Variants in CACNB2 observed in about 807,000 individuals in gnomAD.
The protein encoded by CACNB2 is calcium voltage-gated channel auxiliary subunit beta 2.
Under a neutral mutation model 73.3 loss-of-function variants are expected in CACNB2, and 42 were observed. The observed-to-expected ratio is 0.57, with a 90% confidence interval of 0.45 to 0.74. The LOEUF is 0.74. CACNB2 is among the 30% of genes least tolerant of loss of function. The pLI is 0.00. For synonymous variants in CACNB2, 348 were observed against 310.3 expected (o/e 1.12, Z -1.28); for missense variants, 940 against 853.0 (o/e 1.10, Z -1.27).
chr10:18,543,538 T>C lies in CACNB2; in HGVS notation c.*3814T>C, dbSNP rs1183081917. The C allele has an allele frequency of 6.6e-6, 1 of 152,198 alleles. No individual in the cohort carries two copies. Among genetic ancestry groups the C allele is most frequent in the Non-Finnish European group, 1.5e-5 (1 of 68,044 alleles). 9.4% of individuals were successfully genotyped at this position (152,198 alleles called of 1,614,324 possible). On this transcript the variant is annotated 3_prime_UTR_variant, in exon 14 of 14. Coordinates refer to ENST00000324631, the MANE Select transcript of CACNB2 (RefSeq NM_201596.3). ...AATGTTAATATTAAATGTTAAAATA[T>C]ATATTAATTTTCCCTCACATTTCCC...
chr10:18,505,147 T>TA lies in CACNB2; in HGVS notation c.594-1324_594-1323insA, dbSNP rs561139599. ...TGGTCATTGTCACCATTTGCAGCAT[T>TA]TGTCACAATTTTACATAAATAATAT... On this transcript the variant is annotated intron_variant, in intron 5 of 13. Transcript: ENST00000324631. Among the ~76,000 whole-genome samples, 406 of 152,232 alleles carry TA rather than the reference T, an allele frequency of 2.7e-3. 3 individuals are homozygous for TA. The highest frequency in any genetic ancestry group is 9.4e-3 in the African/African-American group (392 of 41,546).
chr10:18,286,997 C>T lies in CACNB2; in HGVS notation c.214-114927C>T, dbSNP rs555664796. Among the ~76,000 whole-genome samples the T allele has an allele frequency of 2.6e-5, 4 of 152,212 alleles. No individual in the cohort carries two copies. In the South Asian group the frequency reaches 8.3e-4, roughly 32 times the overall value. On this transcript the variant is annotated intron_variant, in intron 2 of 13. Transcript: ENST00000324631. ...GATAGTCTATGAATAAGTTAAAATT[C>T]AAGGCAAATATGTAAACTAATATAG... is the stretch of plus-strand genomic sequence containing the variant.
At chr10:18,325,781 A>G (rs1311060768) in intron 2 of CACNB2, among the ~76,000 whole-genome samples, 1 of 137,146 alleles carries the variant, frequency 7.3e-6, no homozygotes, top group African/African-American at 2.8e-5. Context: ...ATCTGGCTCT[A>G]TCACACAGCC....
chr10:18,503,138 T>C (rs752262100), intron 5 of CACNB2, among the ~76,000 whole-genome samples: 1 of 152,026 alleles, frequency 6.6e-6, no homozygotes, highest in Non-Finnish European at 1.5e-5. Flanking sequence ...AATGCATTTC[T>C]TAATGAGAAA....
chr10:18,285,293 C>G (rs1298070700), intron 2 of CACNB2, among the ~76,000 whole-genome samples: 1 of 152,212 alleles, frequency 6.6e-6, no homozygotes, highest in Non-Finnish European at 1.5e-5. Context: ...AGGTGAGAAG[C>G]TTTGCAGCTC....
At chr10:18,170,049 C>T (rs1175378975) in intron 2 of CACNB2, among the ~76,000 whole-genome samples, 1 of 152,210 alleles carries the variant, frequency 6.6e-6, no homozygotes, top group Non-Finnish European at 1.5e-5. Context: ...CTGGTTCATA[C>T]TGCAGTGCAC....
intron 3 of CACNB2, among the ~76,000 whole-genome samples, chr10:18,404,610 T>C (rs1321242749): frequency 6.6e-6 from 1 of 152,216 alleles, no homozygotes; most frequent in African/African-American, 2.4e-5. Flanking sequence ...TCAGTGCTTT[T>C]ACTCACCTTA....
chr10:18,229,941 C>T (rs1188569113), intron 2 of CACNB2, among the ~76,000 whole-genome samples: 1 of 152,188 alleles, frequency 6.6e-6, no homozygotes, highest in Non-Finnish European at 1.5e-5. Flanking sequence ...TCGACACCCA[C>T]TTTCAAAACA....
chr10:18,355,630 CTT>C (rs549165226), intron 2 of CACNB2, among the ~76,000 whole-genome samples: 12 of 140,724 alleles, frequency 8.5e-5, no homozygotes, highest in South Asian at 2.3e-4. Context: ...TGATTTTTCT[CTT>C]TTTTTTTTTT....
intron 2 of CACNB2, among the ~76,000 whole-genome samples, chr10:18,228,054 CAG>C (rs1321474075): frequency 3.3e-5 from 5 of 152,158 alleles, no homozygotes; most frequent in Admixed American, 6.6e-5. Flanking sequence ...GCCTTTTCCA[CAG>C]AGTGTCTTTT....
intron 3 of CACNB2, among the ~76,000 whole-genome samples, chr10:18,403,095 A>G (rs1198039119): frequency 1.3e-5 from 2 of 152,188 alleles, no homozygotes; most frequent in African/African-American, 4.8e-5. Context: ...AAAAAGCAGT[A>G]CTTTTGTATA....
chr10:18,334,342 T>C (rs528876359), intron 2 of CACNB2, among the ~76,000 whole-genome samples: 4 of 152,218 alleles, frequency 2.6e-5, no homozygotes, highest in Admixed American at 1.3e-4. Flanking sequence ...ACAGAATAAC[T>C]GGGCACTTAA....
intron 2 of CACNB2, among the ~76,000 whole-genome samples, chr10:18,297,348 A>T (rs1322933342): frequency 6.6e-6 from 1 of 152,206 alleles, no homozygotes; most frequent in Non-Finnish European, 1.5e-5. Context: ...GTTTAAGAAC[A>T]GCCTGGGCAA....
At chr10:18,398,667 T>TCACACA (rs755907676) in intron 2 of CACNB2, among the ~76,000 whole-genome samples, 1 of 132,296 alleles carries the variant, frequency 7.6e-6, no homozygotes, top group East Asian at 2.0e-4. Flanking sequence ...AGTGAGACTG[T>TCACACA]CACACACACA....
At chr10:18,354,351 C>G (rs979807983) in intron 2 of CACNB2, among the ~76,000 whole-genome samples, 6 of 152,110 alleles carry the variant, frequency 3.9e-5, no homozygotes, top group Non-Finnish European at 7.4e-5. Flanking sequence ...GAACTTTCCA[C>G]TGTGCCTGGT....
chr10:18,535,952 G>C (rs1057404425), intron 11 of CACNB2, 149 bp from the exon 12 acceptor site: 1 of 605,344 alleles, frequency 1.7e-6, no homozygotes, highest in African/African-American at 1.9e-5. Flanking sequence ...ATGTTAACAT[G>C]TTAATTTTGC....
intron 2 of CACNB2, among the ~76,000 whole-genome samples, chr10:18,197,231 C>T (rs2034666273): frequency 6.6e-6 from 1 of 152,176 alleles, no homozygotes; most frequent in African/African-American, 2.4e-5. Context: ...ACAGGGAACA[C>T]TCAGTAAATG....
At chr10:18,387,945 T>C (rs1176006814) in intron 2 of CACNB2, among the ~76,000 whole-genome samples, 1 of 152,022 alleles carries the variant, frequency 6.6e-6, no homozygotes, top group Admixed American at 6.6e-5. Context: ...TTTGTACAGA[T>C]GGGGTCTCGT....
intron 10 of CACNB2, among the ~76,000 whole-genome samples, chr10:18,529,853 C>T (rs1316468417): frequency 2.0e-5 from 3 of 152,130 alleles, no homozygotes; most frequent in African/African-American, 7.2e-5. Flanking sequence ...TCATTTGACG[C>T]TCACAAGAAT....
Sources: allele counts gnomAD v4.1 joint callset (sites outside exome capture counted in the v4.1 genomes callset), GRCh38; gene constraint gnomAD v4.1.1; transcripts MANE v1.5; gene names NCBI Gene and HGNC (gene_info 2026-07-23, HGNC 2026-07-21).